Variants in SAMTOR observed in about 807,000 individuals in gnomAD.
The protein encoded by SAMTOR is UPF0532 protein C7orf60.
chr7:112,857,924 G>C, the SAMTOR span, among the ~76,000 whole-genome samples: 3 of 152,098 alleles, frequency 2.0e-5, no homozygotes, highest in Non-Finnish European at 4.4e-5. Context: ...GCAAACACTG[G>C]GCATCCTAGA....
chr7:112,824,425 A>C, the SAMTOR span, among the ~76,000 whole-genome samples: 2 of 151,960 alleles, frequency 1.3e-5, no homozygotes, highest in East Asian at 3.9e-4. Context: ...CAGTAGCGTG[A>C]TCTTGGCTCA....
the SAMTOR span, among the ~76,000 whole-genome samples, chr7:112,865,187 TGCCTTAAACCCA>T: frequency 6.6e-6 from 1 of 152,210 alleles, no homozygotes; most frequent in African/African-American, 2.4e-5. Flanking sequence ...CAGTGGCTTA[TGCCTTAAACCCA>T]GCACTTTGGG....
the SAMTOR span, among the ~76,000 whole-genome samples, chr7:112,889,424 C>G: frequency 6.6e-6 from 1 of 152,048 alleles, no homozygotes; most frequent in African/African-American, 2.4e-5. Context: ...AAGCATGTAC[C>G]ACACTAGAGG....
the SAMTOR span, among the ~76,000 whole-genome samples, chr7:112,852,345 T>C: frequency 1.3e-5 from 2 of 152,040 alleles, no homozygotes; most frequent in Admixed American, 6.6e-5. Flanking sequence ...ACCTTAAGTA[T>C]AATGACTCAG....
the SAMTOR span, chr7:112,832,689 T>C: frequency 7.0e-7 from 1 of 1,437,760 alleles, no homozygotes; most frequent in Non-Finnish European, 9.7e-7. Context: ...AAAACAGATA[T>C]TTTATAAGAA....
the SAMTOR span, among the ~76,000 whole-genome samples, chr7:112,916,068 A>T: frequency 6.6e-6 from 1 of 152,228 alleles, no homozygotes; most frequent in Non-Finnish European, 1.5e-5. Context: ...TTAAAAATTT[A>T]TAATTCTAGG....
the SAMTOR span, among the ~76,000 whole-genome samples, chr7:112,921,998 G>A: frequency 2.0e-5 from 3 of 151,580 alleles, no homozygotes; most frequent in Admixed American, 6.6e-5. Flanking sequence ...GTCTCCCTCT[G>A]ATGCCGAGCC....
chr7:112,939,351 G>C, the SAMTOR span: 3 of 590,042 alleles, frequency 5.1e-6, no homozygotes, highest in African/African-American at 3.8e-5. Flanking sequence ...AGGGGGTGGG[G>C]ACTCAATTCC....
At chr7:112,865,632 A>ATATT in the SAMTOR span, among the ~76,000 whole-genome samples, 4 of 112,824 alleles carry the variant, frequency 3.5e-5, no homozygotes, top group African/African-American at 1.2e-4. Context: ...TCATATATAT[A>ATATT]TCATATATAC....
the SAMTOR span, among the ~76,000 whole-genome samples, chr7:112,928,668 C>A: frequency 6.6e-6 from 1 of 151,888 alleles, no homozygotes; most frequent in Non-Finnish European, 1.5e-5. Context: ...CAGAGGATGG[C>A]TTTCAATAAA....
At chr7:112,820,127 A>C in the SAMTOR span, 2 of 152,540 alleles carry the variant, frequency 1.3e-5, no homozygotes, top group East Asian at 3.8e-4. Flanking sequence ...TAATCAACTG[A>C]CTTTAAAAAA....
the SAMTOR span, among the ~76,000 whole-genome samples, chr7:112,885,863 C>T: frequency 2.0e-5 from 3 of 152,104 alleles, no homozygotes; most frequent in African/African-American, 7.2e-5. Flanking sequence ...TTCTGTGGTA[C>T]CAATTTACTG....
chr7:112,875,189 T>C, the SAMTOR span, among the ~76,000 whole-genome samples: 1 of 152,164 alleles, frequency 6.6e-6, no homozygotes, highest in Non-Finnish European at 1.5e-5. Context: ...GGGCACTGCT[T>C]TGGGAACTCT....
chr7:112,859,254 TA>T, the SAMTOR span, among the ~76,000 whole-genome samples: 1 of 152,176 alleles, frequency 6.6e-6, no homozygotes, highest in Non-Finnish European at 1.5e-5. Flanking sequence ...ATGAGCCACA[TA>T]ACAACGTTTT....
chr7:112,911,787 T>C, the SAMTOR span, among the ~76,000 whole-genome samples: 1 of 151,940 alleles, frequency 6.6e-6, no homozygotes, highest in Non-Finnish European at 1.5e-5. Context: ...AAAACATCTT[T>C]ACTGGTTAAT....
At chr7:112,838,466 A>G in the SAMTOR span, among the ~76,000 whole-genome samples, 1 of 151,874 alleles carries the variant, frequency 6.6e-6, no homozygotes, top group South Asian at 2.1e-4. Context: ...TATTTTTGCA[A>G]AAAAGAAATC....
At chr7:112,823,305 G>A in the SAMTOR span, among the ~76,000 whole-genome samples, 1 of 152,114 alleles carries the variant, frequency 6.6e-6, no homozygotes, top group African/African-American at 2.4e-5. Context: ...AAGTTGTGAG[G>A]TATTTTTACA....
the SAMTOR span, among the ~76,000 whole-genome samples, chr7:112,890,688 A>T: frequency 4.6e-5 from 7 of 151,268 alleles, no homozygotes; most frequent in Admixed American, 2.6e-4. Flanking sequence ...CATATATATG[A>T]ATACTTTTTT....
chr7:112,939,032 A>G, the SAMTOR span, among the ~76,000 whole-genome samples: 1 of 152,230 alleles, frequency 6.6e-6, no homozygotes, highest in East Asian at 1.9e-4. Flanking sequence ...AACAATGTGA[A>G]GTCCAGTCAG....
Sources: allele counts gnomAD v4.1 joint callset (sites outside exome capture counted in the v4.1 genomes callset), GRCh38; gene constraint gnomAD v4.1.1; transcripts MANE v1.5; gene names NCBI Gene and HGNC (gene_info 2026-07-23, HGNC 2026-07-21).